Variants in CXCL5 observed in about 807,000 individuals in gnomAD.
CXCL5 encodes C-X-C motif chemokine 5.
A neutral mutation model predicts 12.1 loss-of-function variants in CXCL5; 13 were observed. The observed-to-expected ratio is 1.08, with a 90% CI of 0.70 to 1.71. CXCL5 has a LOEUF of 1.71. Ranked by LOEUF, CXCL5 falls within the 40% of genes most tolerant of loss-of-function variation. The pLI, the probability that CXCL5 is intolerant of heterozygous loss-of-function variation, is 0.00. For missense variants in CXCL5, 159 were observed against 142.4 expected (o/e 1.12, Z -0.59); for synonymous variants, 67 against 59.0 (o/e 1.14, Z -0.62).
In CXCL5 at chr4:73,997,373, T is replaced by C. The variant is rs199801246; in HGVS notation, c.*264A>G. On this transcript the variant is annotated 3_prime_UTR_variant, in exon 4 of 4. Transcript: ENST00000296027. The stretch of plus-strand genomic sequence containing the variant: ...CTATAGTCAATTGCCAAAACTTCAA[T>C]AGCATAGCAGATAAAATAACAGCAA... The C allele has an allele frequency of 1.5e-5, 6 of 396,372 alleles. No homozygotes were observed. In the East Asian group the frequency reaches 2.4e-4, roughly 16 times the overall value. 24.6% of individuals were successfully genotyped at this position (396,372 alleles called of 1,614,324 possible).
intron 1 of CXCL5, 23 bp from the exon 2 acceptor site, chr4:73,998,361 C>G: frequency 6.2e-7 from 1 of 1,613,372 alleles, no homozygotes; most frequent in Non-Finnish European, 8.5e-7. Flanking sequence ...GAGAGACACC[C>G]TTTATAGGGC....
In CXCL5 at chr4:73,997,999, A is replaced by T. The variant is rs773832107; in HGVS notation, c.326+13T>A. ...TCAGATTTAGAAACCACAAAGATCA[A>T]AGTGACAAGTACCCGTCCAAAATTT... On this transcript the variant is annotated intron_variant, in intron 3 of 3. Coordinates refer to ENST00000296027, the MANE Select transcript of CXCL5 (RefSeq NM_002994.5). 1.9e-6 allele frequency: 3 copies of T among 1,609,166 alleles called. No individual in the cohort carries two copies. Among genetic ancestry groups the T allele is most frequent in the Non-Finnish European group, 2.6e-6 (3 of 1,175,590 alleles).
chr4:73,997,061 G>A lies in CXCL5; in HGVS notation c.*576C>T, dbSNP rs1356863505. On this transcript the variant is annotated 3_prime_UTR_variant, in exon 4 of 4. Transcript: ENST00000296027. ...GAAATATATTCTACATAGATAAGGTGTGAAACACTCAGCTTTCTAAAGTGA... is the reference window on the plus strand; with the variant it reads ...GAAATATATTCTACATAGATAAGGTATGAAACACTCAGCTTTCTAAAGTGA... 1 of 152,208 alleles carries A rather than the reference G, an allele frequency of 6.6e-6. No individual in the cohort carries two copies. The highest frequency in any genetic ancestry group is 1.5e-5 in the Non-Finnish European group (1 of 68,052). 9.4% of individuals were successfully genotyped at this position (152,208 alleles called of 1,614,324 possible).
intron 3 of CXCL5, 149 bp downstream of exon 3, chr4:73,997,863 A>G (rs1048212357): frequency 2.3e-6 from 2 of 857,492 alleles, no homozygotes; most frequent in Non-Finnish European, 3.8e-6. Context: ...TTTTCCCAGG[A>G]CAATCCAGAA....
In CXCL5 at chr4:73,997,674, T is replaced by C. The variant is rs754835574; in HGVS notation, c.327-19A>G. 2 of 1,594,346 alleles carry C rather than the reference T, an allele frequency of 1.3e-6. No individual in the cohort carries two copies. The highest frequency in any genetic ancestry group is 1.7e-6 in the Non-Finnish European group (2 of 1,164,362). On this transcript the variant is annotated intron_variant, in intron 3 of 3. Coordinates refer to ENST00000296027, the MANE Select transcript of CXCL5 (RefSeq NM_002994.5). Reference sequence around the variant, plus strand: ...GTTTCCACTGTTGAGAAAAATGTTATATTAGTTTAACCATTTTTCACACTC... The same window carrying C: ...GTTTCCACTGTTGAGAAAAATGTTACATTAGTTTAACCATTTTTCACACTC...
Position 73,998,537 on chromosome 4 carries a change from C to A in CXCL5, c.45G>T (p.Ser15=). The A allele has an allele frequency of 6.3e-7, 1 of 1,596,102 alleles. No homozygotes were observed. Among genetic ancestry groups the A allele is most frequent in the Non-Finnish European group, 8.5e-7 (1 of 1,171,152 alleles). Residue 15 remains serine (S), a synonymous_variant, in exon 1 of 4, where the codon TCG becomes TCT. Transcript: ENST00000296027. ...SSRAARVPGP[S]SSLCALLVLL... ...GCACCAACAGCGCGCACAAGGAGCT[C>A]GAAGGACCGGGGACACGGGCCGCGC...
Position 73,998,197 on chromosome 4 carries a change from A to G in CXCL5, c.242+9T>C. The G allele has an allele frequency of 6.2e-7, 1 of 1,614,232 alleles. No individual in the cohort carries two copies. Among genetic ancestry groups the G allele is most frequent in the South Asian group, 1.1e-5 (1 of 91,080 alleles). On this transcript the variant is annotated intron_variant, in intron 2 of 3. Coordinates refer to ENST00000296027, the MANE Select transcript of CXCL5 (RefSeq NM_002994.5). ...AAGGTCACAGCGGACACAGCAGCAC[A>G]GAACTTACACCACTTCCACCTTGGA...
In CXCL5 at chr4:73,998,307, C is replaced by T. The variant is rs1719244200; in HGVS notation, c.141G>A (p.Leu47=). The stretch of plus-strand genomic sequence containing the variant: ...GCGTGGTCTGTAAACAAACGCAACG[C>T]AGCTCTCTCAACACAGCAGCGGCAG... ...AGPAAAVLRE[L]RCVCLQTTQG... Residue 47 remains leucine, a synonymous_variant, in exon 2 of 4, where the codon CTG becomes CTA. Transcript: ENST00000296027. 1 of 1,614,100 alleles carries T rather than the reference C, an allele frequency of 6.2e-7. No homozygotes were observed. The highest frequency in any genetic ancestry group is 8.5e-7 in the Non-Finnish European group (1 of 1,180,052).
chr4:73,998,196 C>A lies in CXCL5; in HGVS notation c.242+10G>T. 1.9e-6 allele frequency: 3 copies of A among 1,614,172 alleles called. No individual in the cohort carries two copies. Among genetic ancestry groups the A allele is most frequent in the Non-Finnish European group, 2.5e-6 (3 of 1,180,004 alleles). On this transcript the variant is annotated intron_variant, in intron 2 of 3. Coordinates refer to ENST00000296027, the MANE Select transcript of CXCL5 (RefSeq NM_002994.5). ...CAAGGTCACAGCGGACACAGCAGCA[C>A]AGAACTTACACCACTTCCACCTTGG...
Position 73,996,661 on chromosome 4 carries a change from G to A in CXCL5, c.*976C>T, listed in dbSNP as rs1719201746. ...ATCCAAGGAGAAATGCTAGGGCCTC[G>A]AGGATGTCGCTATATATTTTTATAA... On this transcript the variant is annotated 3_prime_UTR_variant, in exon 4 of 4. Transcript: ENST00000296027. 1 of 152,298 alleles carries A rather than the reference G, an allele frequency of 6.6e-6. No homozygotes were observed. Among genetic ancestry groups the A allele is most frequent in the African/African-American group, 2.4e-5 (1 of 41,324 alleles). 9.4% of individuals were successfully genotyped at this position (152,298 alleles called of 1,614,324 possible).
intron 3 of CXCL5, 69 bp from the exon 4 acceptor site, chr4:73,997,724 C>T: frequency 7.8e-7 from 1 of 1,275,480 alleles, no homozygotes; most frequent in Non-Finnish European, 1.1e-6. Context: ...CTTGTCAAAA[C>T]TCAGCGTTTA....
At position 73,998,505 on chromosome 4, in the gene CXCL5, A is replaced by C; in HGVS notation, c.77T>G (p.Leu26Arg). The C allele has an allele frequency of 3.8e-6, 6 of 1,597,890 alleles. No individual in the cohort carries two copies. Among genetic ancestry groups the C allele is most frequent in the Non-Finnish European group, 5.1e-6 (6 of 1,171,842 alleles). The change falls in exon 1 of 4, where the codon CTG (leucine) becomes CGG (arginine). Residue 26 changes from leucine to arginine, a missense_variant. Coordinates refer to ENST00000296027, the MANE Select transcript of CXCL5 (RefSeq NM_002994.5). ...SSLCALLVLL[L>R]LLTQPGPIAS... Reference sequence around the variant, plus strand: ...GATGGGCCCTGGCTGCGTCAGCAGCAGCAGCAGCACCAACAGCGCGCACAA... The same window carrying C: ...GATGGGCCCTGGCTGCGTCAGCAGCCGCAGCAGCACCAACAGCGCGCACAA...
Position 73,998,020 on chromosome 4 carries a change from A to C in CXCL5, c.318T>G (p.Ile106Met), listed in dbSNP as rs1014271028. 67 of 1,614,018 alleles carry C rather than the reference A, an allele frequency of 4.2e-5. No homozygotes were observed. Among genetic ancestry groups the C allele is most frequent in the Non-Finnish European group, 5.5e-5 (65 of 1,179,992 alleles). ...APFLKKVIQK[I>M]LDGGNKEN ...ATCAAAGTGACAAGTACCCGTCCAA[A>C]ATTTTCTGGATGACTTTCTTTAGAA... Residue 106 changes from isoleucine to methionine, a missense_variant, in exon 3 of 4, where the codon ATT becomes ATG. By Grantham distance (10) the Ile-to-Met change is conservative. Coordinates refer to ENST00000296027, the MANE Select transcript of CXCL5 (RefSeq NM_002994.5).
chr4:73,998,474 G>T lies in CXCL5; in HGVS notation c.108C>A (p.Ser36Arg). ...LLLTQPGPIA[S>R]AGPAAAVLRE... ...GTCCCGCGCGCCATGCGCTCTCACC[G>T]CTGGCGATGGGCCCTGGCTGCGTCA... is the stretch of plus-strand genomic sequence containing the variant. The change falls in exon 1 of 4, where the codon AGC becomes AGA. Residue 36 changes from serine to arginine, a missense_variant and splice_region_variant. By Grantham distance (110) the Ser-to-Arg change is moderately radical. Transcript: ENST00000296027. The T allele has an allele frequency of 6.2e-7, 1 of 1,603,484 alleles. No homozygotes were observed. The highest frequency in any genetic ancestry group is 2.2e-5 in the East Asian group (1 of 44,496).
Position 73,998,205 on chromosome 4 carries a change from C to G in CXCL5, c.242+1G>C, listed in dbSNP as rs879183368. 7 of 1,614,216 alleles carry G rather than the reference C, an allele frequency of 4.3e-6. No homozygotes were observed. The highest frequency in any genetic ancestry group is 5.9e-6 in the Non-Finnish European group (7 of 1,180,020). ...AGCGGACACAGCAGCACAGAACTTA[C>G]ACCACTTCCACCTTGGAGCACTGTG... On this transcript the variant is annotated splice_donor_variant, in intron 2 of 3. Coordinates refer to ENST00000296027, the MANE Select transcript of CXCL5 (RefSeq NM_002994.5). LOFTEE classifies it high-confidence loss of function.
At chr4:73,997,990 C>G in intron 3 of CXCL5, 22 bp downstream of exon 3, 5 of 1,599,336 alleles carry the variant, frequency 3.1e-6, no homozygotes, top group Non-Finnish European at 3.4e-6. Context: ...TTAGAAACCA[C>G]AAAGATCAAA....
At position 73,996,373 on chromosome 4, in the gene CXCL5, C is replaced by G. The variant is rs352047; in HGVS notation, c.*1264G>C. 0.8 allele frequency: 122,188 copies of G among 152,430 alleles called. 50,305 individuals carry two copies. Among genetic ancestry groups the G allele is most frequent in the East Asian group, 0.97 (4,999 of 5,166 alleles). 9.4% of individuals were successfully genotyped at this position (152,430 alleles called of 1,614,324 possible). On this transcript the variant is annotated 3_prime_UTR_variant, in exon 4 of 4. Coordinates refer to ENST00000296027, the MANE Select transcript of CXCL5 (RefSeq NM_002994.5). ...AGGCATCTTCCCTGCCCTCCCCGCT[C>G]CCGCTCGTCTTCTGCAATCCTCTAA...
chr4:73,996,404 G>C lies in CXCL5; in HGVS notation c.*1233C>G, dbSNP rs1296370524. 6.6e-6 allele frequency: 1 copy of C among 152,508 alleles called. No individual in the cohort carries two copies. Among genetic ancestry groups the C allele is most frequent in the East Asian group, 1.9e-4 (1 of 5,190 alleles). The allele number at this position is 152,508 out of a possible 1,614,324, so 9.4% of individuals were successfully genotyped here. ...CGTCTTCTGCAATCCTCTAACCCAG[G>C]TTCTACTCTGTGAAAGGGGCCAAAG... On this transcript the variant is annotated 3_prime_UTR_variant, in exon 4 of 4. Transcript: ENST00000296027.
Position 73,997,491 on chromosome 4 carries a change from T to A in CXCL5, c.*146A>T. 1 of 673,070 alleles carries A rather than the reference T, an allele frequency of 1.5e-6. No individual in the cohort carries two copies. Among genetic ancestry groups the A allele is most frequent in the Non-Finnish European group, 2.6e-6 (1 of 386,602 alleles). The allele number at this position is 673,070 out of a possible 1,614,324, so 41.7% of individuals were successfully genotyped here. A position where few individuals can be genotyped will look rare whatever the true frequency, so the allele number is the denominator to read the frequency against. ...TCCTCACACTCTTCAAAGTGAGGAA[T>A]CCAGGAAGAAAGCTAACTACTGGAA... On this transcript the variant is annotated 3_prime_UTR_variant, in exon 4 of 4. Transcript: ENST00000296027.
Sources: gnomAD v4.1 joint callset for allele counts on GRCh38, gnomAD v4.1.1 for gene constraint, MANE v1.5 for transcripts, NCBI Gene and HGNC (gene_info 2026-07-23, HGNC 2026-07-21) for gene names.